Variants in GNA14 observed in about 807,000 individuals in gnomAD.
GNA14 encodes the protein guanine nucleotide-binding protein subunit alpha-14.
A neutral mutation model predicts 42.0 loss-of-function variants in GNA14; 50 were observed. That is an observed-to-expected ratio of 1.19 (90% CI 0.95 to 1.51). GNA14 has a LOEUF of 1.51. Ranked by LOEUF, GNA14 falls within the 40% of genes most tolerant of loss-of-function variation. The probability of loss-of-function intolerance (pLI) is 0.00; values close to 1 mark genes in which losing one functional copy is unlikely to be tolerated. For missense variants in GNA14, 473 were observed against 446.2 expected (o/e 1.06, Z -0.54); for synonymous variants, 173 against 163.1 (o/e 1.06, Z -0.46).
chr9:77,633,705 T>G (rs922367322), intron 1 of GNA14, among the ~76,000 whole-genome samples: 25 of 151,628 alleles, frequency 1.6e-4, no homozygotes, highest in African/African-American at 4.6e-4. Context: ...TTTGGTGAGC[T>G]GTCTGGCTCT....
intron 2 of GNA14, among the ~76,000 whole-genome samples, chr9:77,481,796 T>C (rs1836556932): frequency 6.6e-6 from 1 of 152,332 alleles, no homozygotes; most frequent in Non-Finnish European, 1.5e-5. Context: ...CCCTTTACCA[T>C]TATGTAATGG....
intron 1 of GNA14, among the ~76,000 whole-genome samples, chr9:77,627,967 T>C (rs570014046): frequency 2.0e-4 from 31 of 152,328 alleles, no homozygotes; most frequent in African/African-American, 7.0e-4. Context: ...TGTTTGCAGA[T>C]GACATGATTT....
chr9:77,487,331 A>T (rs1167092015), intron 2 of GNA14, among the ~76,000 whole-genome samples: 1 of 152,210 alleles, frequency 6.6e-6, no homozygotes, highest in African/African-American at 2.4e-5. Flanking sequence ...AAGTGAGACC[A>T]TGGAGAAGGG....
At chr9:77,547,115 A>T (rs12352302) in intron 1 of GNA14, among the ~76,000 whole-genome samples, 2,350 of 152,320 alleles carry the variant, frequency 0.015, 70 homozygotes, top group African/African-American at 0.053. Flanking sequence ...CAGTAAGAAA[A>T]TTGTGGGAGT....
At chr9:77,531,343 C>T (rs186249372) in intron 1 of GNA14, among the ~76,000 whole-genome samples, 31 of 152,304 alleles carry the variant, frequency 2.0e-4, no homozygotes, top group Admixed American at 1.6e-3. Context: ...GATGAGACCA[C>T]GTGCCCCTGG....
intron 2 of GNA14, among the ~76,000 whole-genome samples, chr9:77,443,111 T>C (rs974869110): frequency 1.3e-5 from 2 of 152,196 alleles, no homozygotes; most frequent in African/African-American, 4.8e-5. Flanking sequence ...TATAGAGATT[T>C]GAACATACCT....
At chr9:77,576,369 A>G (rs182392499) in intron 1 of GNA14, among the ~76,000 whole-genome samples, 4 of 152,218 alleles carry the variant, frequency 2.6e-5, no homozygotes. Context: ...AATAATTTTT[A>G]AAAACATCTA....
At chr9:77,431,024 T>TGTGTGTGTGTGTGTGTGTGTGTG (rs1554686110) in intron 4 of GNA14, among the ~76,000 whole-genome samples, 3 of 101,524 alleles carry the variant, frequency 3.0e-5, no homozygotes, top group East Asian at 2.5e-4. Flanking sequence ...AAGTATACAT[T>TGTGTGTGTGTGTGTGTGTGTGTG]TGTGTGTGTG....
At chr9:77,439,628 T>C (rs1483974685) in intron 2 of GNA14, among the ~76,000 whole-genome samples, 5 of 151,930 alleles carry the variant, frequency 3.3e-5, no homozygotes, top group Non-Finnish European at 7.4e-5. Context: ...AAGAGTGAGA[T>C]ACTGTTTCAA....
intron 2 of GNA14, among the ~76,000 whole-genome samples, chr9:77,500,294 A>G (rs1263692031): frequency 3.3e-5 from 5 of 152,222 alleles, no homozygotes; most frequent in Non-Finnish European, 5.9e-5. Context: ...CTGGGATTAC[A>G]GGCGTGAGCC....
Position 77,445,710 on chromosome 9 carries a change from C to G in GNA14, c.310-11188G>C, listed in dbSNP as rs536003892. Among the ~76,000 whole-genome samples the G allele has an allele frequency of 9.9e-5, 15 of 152,194 alleles. No homozygotes were observed. In the East Asian group the frequency reaches 2.9e-3, roughly 29 times the overall value. On this transcript the variant is annotated intron_variant, in intron 2 of 6. Coordinates refer to ENST00000341700, the MANE Select transcript of GNA14 (RefSeq NM_004297.4). ...TGAGCTATGATCACACCACTGCACTCCAGCCTGGGCAACAGCGAGACCCCA... is the reference window on the plus strand; with the variant it reads ...TGAGCTATGATCACACCACTGCACTGCAGCCTGGGCAACAGCGAGACCCCA...
chr9:77,455,219 G>T (rs1247849048), intron 2 of GNA14, among the ~76,000 whole-genome samples: 1 of 152,194 alleles, frequency 6.6e-6, no homozygotes, highest in African/African-American at 2.4e-5. Flanking sequence ...GTCTCTCTCA[G>T]CTCCTAGAGG....
At chr9:77,619,314 G>A (rs1452265056) in intron 1 of GNA14, among the ~76,000 whole-genome samples, 5 of 152,014 alleles carry the variant, frequency 3.3e-5, no homozygotes, top group Non-Finnish European at 7.4e-5. Context: ...TCAAGTGATT[G>A]TCCTGCCTCA....
chr9:77,437,283 G>A (rs922775432), intron 2 of GNA14, among the ~76,000 whole-genome samples: 2 of 152,286 alleles, frequency 1.3e-5, no homozygotes, highest in African/African-American at 2.4e-5. Flanking sequence ...AGTGGCTCAC[G>A]CCTGTAATCC....
At chr9:77,569,312 T>C (rs1246689904) in intron 1 of GNA14, among the ~76,000 whole-genome samples, 1 of 152,148 alleles carries the variant, frequency 6.6e-6, no homozygotes, top group African/African-American at 2.4e-5. Context: ...TGCAGTCCTA[T>C]TAGCACAGCA....
intron 1 of GNA14, among the ~76,000 whole-genome samples, chr9:77,577,007 T>C (rs1823139841): frequency 6.6e-6 from 1 of 152,210 alleles, no homozygotes. Flanking sequence ...GAGGTAGTAG[T>C]ATGTGCATGC....
chr9:77,562,716 T>C (rs927564145), intron 1 of GNA14, among the ~76,000 whole-genome samples: 1 of 152,256 alleles, frequency 6.6e-6, no homozygotes, highest in African/African-American at 2.4e-5. Context: ...TTCAACCTTC[T>C]TGATATGATA....
chr9:77,506,676 G>A (rs928407869), intron 2 of GNA14, among the ~76,000 whole-genome samples: 16 of 147,314 alleles, frequency 1.1e-4, no homozygotes, highest in African/African-American at 3.2e-4. Flanking sequence ...ACTCCATCTC[G>A]AAAAAAAAAA....
chr9:77,523,863 G>T (rs1352564644), intron 2 of GNA14, among the ~76,000 whole-genome samples: 2 of 152,132 alleles, frequency 1.3e-5, no homozygotes, highest in Non-Finnish European at 2.9e-5. Flanking sequence ...CATCATGCAA[G>T]CAGATTCTGC....
Sources: allele counts gnomAD v4.1 joint callset (sites outside exome capture counted in the v4.1 genomes callset), GRCh38; gene constraint gnomAD v4.1.1; transcripts MANE v1.5; gene names NCBI Gene and HGNC (gene_info 2026-07-23, HGNC 2026-07-21).